Variants in MAGI3 observed in about 807,000 individuals in gnomAD.
The protein encoded by MAGI3 is membrane-associated guanylate kinase, WW and PDZ domain-containing protein 3.
A neutral mutation model predicts 121.8 loss-of-function variants in MAGI3; 43 were observed. That is an observed-to-expected ratio of 0.35 (90% CI 0.28 to 0.46). MAGI3 has a LOEUF of 0.46. Ranked by LOEUF, MAGI3 falls within the 20% of genes least tolerant of loss-of-function variation. The pLI is 1.00. For synonymous variants in MAGI3, 553 were observed against 639.3 expected (o/e 0.86, Z 2.04); for missense variants, 1,547 against 1,797.3 (o/e 0.86, Z 2.52).
intron 1 of MAGI3, 147 bp from the exon 2 acceptor site, chr1:113,549,368 C>T: frequency 2.1e-6 from 1 of 487,604 alleles, no homozygotes; most frequent in Non-Finnish European, 3.6e-6. Flanking sequence ...ATTTGGTGTT[C>T]TTTTCTTTTT....
chr1:113,492,733 C>T (rs1024014253), intron 1 of MAGI3, among the ~76,000 whole-genome samples: 5 of 152,092 alleles, frequency 3.3e-5, no homozygotes, highest in Non-Finnish European at 7.4e-5. Context: ...AAATATCAAT[C>T]TTTCTTATAT....
rs760136876 is a variant in MAGI3, at chr1:113,683,989, T to C, written c.4421T>C (p.Ile1474Thr). The C allele has an allele frequency of 2.5e-6, 4 of 1,579,722 alleles. No individual in the cohort carries two copies. In the Admixed American group the frequency reaches 7.8e-5, roughly 31 times the overall value. Residue 1474 changes from isoleucine to threonine, a missense_variant, in exon 21 of 21, where the codon ATT (isoleucine) becomes ACT (threonine). By Grantham distance (89) the Ile-to-Thr change is moderately conservative. Transcript: ENST00000307546. ...VPSGNKVTGT[I>T]GMAEKRQ ...AGTGGAAATAAAGTCACAGGCACTA[T>C]TGGTATGGCTGAGAAACGGCAGTAA... is the stretch of plus-strand genomic sequence containing the variant.
intron 1 of MAGI3, among the ~76,000 whole-genome samples, chr1:113,525,944 G>A (rs539596637): frequency 2.6e-5 from 4 of 152,236 alleles, no homozygotes; most frequent in Non-Finnish European, 4.4e-5. Context: ...GGAGATTGCA[G>A]TGAGCCAAGA....
chr1:113,669,149 G>A (rs919700934), intron 16 of MAGI3, among the ~76,000 whole-genome samples: 2 of 152,274 alleles, frequency 1.3e-5, no homozygotes, highest in Middle Eastern at 3.4e-3. Context: ...CTCCTTAATA[G>A]TAACCATGAA....
chr1:113,560,404 C>CAA (rs200874361), intron 2 of MAGI3, among the ~76,000 whole-genome samples: 19 of 147,484 alleles, frequency 1.3e-4, no homozygotes, highest in African/African-American at 4.2e-4. Flanking sequence ...CAAAAACAAA[C>CAA]AAAAAAAACC....
chr1:113,592,253 C>T (rs972575166), intron 5 of MAGI3, among the ~76,000 whole-genome samples: 1 of 151,996 alleles, frequency 6.6e-6, no homozygotes, highest in Non-Finnish European at 1.5e-5. Context: ...TTGGTATAAC[C>T]AGTATGGTTG....
chr1:113,633,265 TTTTTTTTTTTTTTTG>T (rs1651774351), intron 9 of MAGI3, among the ~76,000 whole-genome samples: 1 of 64,862 alleles, frequency 1.5e-5, no homozygotes, highest in African/African-American at 6.8e-5. Flanking sequence ...TTTTTTTTTT[TTTTTTTTTTTTTTTG>T]AGACGGAGTC....
Position 113,681,276 on chromosome 1 carries a change from G to T in MAGI3, c.3268G>T (p.Ala1090Ser). ...THTRAIELIQAGGNKVLLLLR... is the reference protein window; with the variant it reads ...THTRAIELIQSGGNKVLLLLR... ...TACTCGAGCAATTGAGCTCATTCAG[G>T]CTGGTGGAAATAAAGTTCTTCTTCT... Residue 1090 changes from alanine to serine, a missense_variant, in exon 20 of 21, where the codon GCT becomes TCT. Coordinates refer to ENST00000307546, the MANE Select transcript of MAGI3 (RefSeq NM_001142782.2). The T allele has an allele frequency of 6.2e-7, 1 of 1,614,144 alleles. No individual in the cohort carries two copies. Among genetic ancestry groups the T allele is most frequent in the Non-Finnish European group, 8.5e-7 (1 of 1,180,014 alleles).
chr1:113,397,987 G>T (rs1651205441), intron 1 of MAGI3, among the ~76,000 whole-genome samples: 1 of 152,136 alleles, frequency 6.6e-6, no homozygotes, highest in African/African-American at 2.4e-5. Context: ...ACAGCCGACT[G>T]GCTTCCAGTG....
intron 1 of MAGI3, among the ~76,000 whole-genome samples, chr1:113,472,812 T>A (rs573531932): frequency 5.3e-4 from 81 of 152,190 alleles, no homozygotes; most frequent in Non-Finnish European, 1.0e-3. Context: ...TTTAAACTGA[T>A]AACAACTTGA....
chr1:113,447,479 A>G (rs1318525980), intron 1 of MAGI3, among the ~76,000 whole-genome samples: 1 of 152,222 alleles, frequency 6.6e-6, no homozygotes, highest in African/African-American at 2.4e-5. Context: ...TACAATTACA[A>G]TGGGAATTAA....
intron 9 of MAGI3, among the ~76,000 whole-genome samples, chr1:113,641,463 A>G (rs1488959862): frequency 6.6e-6 from 1 of 151,740 alleles, no homozygotes; most frequent in Non-Finnish European, 1.5e-5. Flanking sequence ...GTGTATGTAT[A>G]TATACATACA....
rs112531569 is a variant in MAGI3, at chr1:113,473,235, AT to A, written c.317-76271del. On this transcript the variant is annotated intron_variant, in intron 1 of 20. Transcript: ENST00000307546. ...TAGGTATAGTATTCTTGGTTGACAC[AT>A]TTTTTTTTCTTCCAGTACTTTATTT... Among the ~76,000 whole-genome samples the A allele has an allele frequency of 6.1e-3, 915 of 150,372 alleles. 2 individuals are homozygous for A. Among genetic ancestry groups the A allele is most frequent in the Non-Finnish European group, 9.0e-3 (609 of 67,352 alleles).
Position 113,659,120 on chromosome 1 carries a change from G to C in MAGI3, c.2670G>C (p.Pro890=). ...TTGGCCGAGTCATAGAAGGAAGTCC[G>C]GCTGACCGCTGTGGAAAACTGAAAG... ...HKIGRVIEGS[P]ADRCGKLKVG... The change falls in exon 16 of 21, where the codon CCG becomes CCC. Residue 890 remains proline, a synonymous_variant. Transcript: ENST00000307546. 1 of 1,613,606 alleles carries C rather than the reference G, an allele frequency of 6.2e-7. No individual in the cohort carries two copies. Among genetic ancestry groups the C allele is most frequent in the Non-Finnish European group, 8.5e-7 (1 of 1,179,764 alleles).
chr1:113,619,444 A>T (rs1397549058), intron 7 of MAGI3, among the ~76,000 whole-genome samples: 1 of 152,212 alleles, frequency 6.6e-6, no homozygotes, highest in African/African-American at 2.4e-5. Flanking sequence ...TTCTGATTGC[A>T]TCAGATAAGA....
chr1:113,420,954 A>G (rs1304414365), intron 1 of MAGI3, among the ~76,000 whole-genome samples: 1 of 152,166 alleles, frequency 6.6e-6, no homozygotes, highest in Non-Finnish European at 1.5e-5. Flanking sequence ...CTCATAATGT[A>G]TTATGTAGCA....
At chr1:113,476,355 A>C (rs995346569) in intron 1 of MAGI3, among the ~76,000 whole-genome samples, 24 of 152,148 alleles carry the variant, frequency 1.6e-4, no homozygotes, top group Non-Finnish European at 2.4e-4. Context: ...TCTTGTGGGC[A>C]TTTAGTGCTA....
At chr1:113,444,945 A>G (rs1654098296) in intron 1 of MAGI3, among the ~76,000 whole-genome samples, 1 of 152,218 alleles carries the variant, frequency 6.6e-6, no homozygotes, top group Admixed American at 6.5e-5. Context: ...GCTAGAAAAT[A>G]CAATAATTAA....
At chr1:113,554,738 C>T (rs1425541404) in intron 2 of MAGI3, among the ~76,000 whole-genome samples, 1 of 151,858 alleles carries the variant, frequency 6.6e-6, no homozygotes, top group Non-Finnish European at 1.5e-5. Flanking sequence ...AATAAGTGCA[C>T]AGATCTAAGA....
Sources: gnomAD v4.1 joint callset for allele counts (sites outside exome capture counted in the v4.1 genomes callset) on GRCh38, gnomAD v4.1.1 for gene constraint, MANE v1.5 for transcripts, NCBI Gene and HGNC (gene_info 2026-07-23, HGNC 2026-07-21) for gene names.